The following ZYX variants were observed in gnomAD, a reference collection of about 807,000 sequenced individuals.
The protein encoded by ZYX is zyxin, also known as zyxin-2.
ZYX carries 37 observed loss-of-function variants against 58.1 expected under a neutral mutation model. The ratio of observed to expected loss-of-function variants is 0.64; its 90% CI spans 0.49 to 0.84. ZYX has a LOEUF of 0.84. Among genes scored for constraint, ZYX ranks in the 40% least tolerant of loss-of-function variants. ZYX has a pLI of 0.00. For missense variants in ZYX, 762 were observed against 761.6 expected (o/e 1.00, Z -0.01); for synonymous variants, 324 against 321.1 (o/e 1.01, Z -0.10).
At position 143,388,126 on chromosome 7, in the gene ZYX, T is replaced by TA. The variant is rs1804933558; in HGVS notation, c.1024-91dup. Reference sequence around the variant, plus strand: ...AGCATCTGGGACACGAGCTGGGAGCTAAGCCTCATCGGAAGAAGCCGGGTA... The same window carrying TA: ...AGCATCTGGGACACGAGCTGGGAGCTAAAGCCTCATCGGAAGAAGCCGGGTA... On this transcript the variant is annotated intron_variant, in intron 5 of 9. Coordinates refer to ENST00000322764, the MANE Select transcript of ZYX (RefSeq NM_003461.5). This position sits in a 1 kb window ranked among gnomAD's most constrained non-coding sequence, Gnocchi z 7.5. 6.9e-7 allele frequency: 1 copy of TA among 1,458,318 alleles called. No individual in the cohort carries two copies. The highest frequency in any genetic ancestry group is 1.4e-5 in the African/African-American group (1 of 70,406). 90.3% of individuals were successfully genotyped at this position (1,458,318 alleles called of 1,614,324 possible).
In ZYX at chr7:143,390,635, G is replaced by T; in HGVS notation, c.1672G>T (p.Gly558Cys). ...TGACAATGGCTGCTTCCCCCTGGAC[G>T]GTCACGTGCTCTGTCGGAAGTGCCA... Reference protein sequence around the residue: ...ADDNGCFPLDGHVLCRKCHTA... With the variant: ...ADDNGCFPLDCHVLCRKCHTA... Residue 558 changes from glycine to cysteine, a missense_variant, in exon 10 of 10, where the codon GGT (glycine) becomes TGT (cysteine). Gly to Cys is a radical substitution (Grantham distance 159, BLOSUM62 -3). Transcript: ENST00000322764. The surrounding 1 kb of genome is among the most constrained non-coding windows in gnomAD (Gnocchi z 4.3). The T allele has an allele frequency of 8.2e-6, 13 of 1,588,266 alleles. No homozygotes were observed. Among genetic ancestry groups the T allele is most frequent in the South Asian group, 1.2e-5 (1 of 86,774 alleles).
In ZYX at chr7:143,390,971, C is replaced by G. The variant is rs111335084; in HGVS notation, c.*289C>G. 1 of 427,976 alleles carries G rather than the reference C, an allele frequency of 2.3e-6. No homozygotes were observed. Among genetic ancestry groups the G allele is most frequent in the Non-Finnish European group, 4.3e-6 (1 of 233,486 alleles). The allele number at this position is 427,976 out of a possible 1,614,324, so 26.5% of individuals were successfully genotyped here. On this transcript the variant is annotated 3_prime_UTR_variant, in exon 10 of 10. Coordinates refer to ENST00000322764, the MANE Select transcript of ZYX (RefSeq NM_003461.5). The surrounding 1 kb of genome is among the most constrained non-coding windows in gnomAD (Gnocchi z 4.3). ...GTGCTGCTGCTTTCACTGCTGCACC[C>G]GCGCCCTCGGCCGGCCCCCCGAGCA... is the stretch of plus-strand genomic sequence containing the variant.
Position 143,387,615 on chromosome 7 carries a change from C to T in ZYX, c.1024-604C>T, listed in dbSNP as rs1051168524. On this transcript the variant is annotated intron_variant, in intron 5 of 9. Coordinates refer to ENST00000322764, the MANE Select transcript of ZYX (RefSeq NM_003461.5). This position sits in a 1 kb window ranked among gnomAD's most constrained non-coding sequence, Gnocchi z 5.8. ...GGTGGCCTTTGGACCTTCTCTGAGGCTGCTGGGGAGGGACCTGAGTGAGGT... is the reference window on the plus strand; with the variant it reads ...GGTGGCCTTTGGACCTTCTCTGAGGTTGCTGGGGAGGGACCTGAGTGAGGT... 1.3e-5 allele frequency: 6 copies of T among 447,048 alleles called. No homozygotes were observed. The highest frequency in any genetic ancestry group is 2.8e-5 in the Non-Finnish European group (6 of 214,162). The allele number at this position is 447,048 out of a possible 1,614,324, so 27.7% of individuals were successfully genotyped here.
rs534313847 is a variant in ZYX, at chr7:143,384,280, C to A, written c.1023+958C>A. On this transcript the variant is annotated intron_variant, in intron 5 of 9. Transcript: ENST00000322764. The surrounding 1 kb of genome is among the most constrained non-coding windows in gnomAD (Gnocchi z 4.9). ...AGGCACTCAGACCAGGGAGTCAACT[C>A]GGGGAGTCAAATTAGGAAAGGCTTC... 4.2e-6 allele frequency: 2 copies of A among 470,936 alleles called. No individual in the cohort carries two copies. Among genetic ancestry groups the A allele is most frequent in the East Asian group, 7.0e-5 (1 of 14,364 alleles). 29.2% of individuals were successfully genotyped at this position (470,936 alleles called of 1,614,324 possible). A position where few individuals can be genotyped will look rare whatever the true frequency, so the allele number is the denominator to read the frequency against.
At position 143,387,833 on chromosome 7, in the gene ZYX, C is replaced by G; in HGVS notation, c.1024-386C>G. On this transcript the variant is annotated intron_variant, in intron 5 of 9. Transcript: ENST00000322764. The surrounding 1 kb of genome is among the most constrained non-coding windows in gnomAD (Gnocchi z 5.8). The stretch of plus-strand genomic sequence containing the variant: ...GTGCACGCCATTGCGTGCCCCTGTC[C>G]CATGGGGGCGATGTCCGAGCATGCT... 1 of 480,956 alleles carries G rather than the reference C, an allele frequency of 2.1e-6. No homozygotes were observed. Among genetic ancestry groups the G allele is most frequent in the African/African-American group, 2.0e-5 (1 of 50,666 alleles). The allele number at this position is 480,956 out of a possible 1,614,324, so 29.8% of individuals were successfully genotyped here. A position where few individuals can be genotyped will look rare whatever the true frequency, so the allele number is the denominator to read the frequency against.
Position 143,384,823 on chromosome 7 carries a change from A to G in ZYX, c.1023+1501A>G, listed in dbSNP as rs1267654030. ...TTGCTGACAAAATAGAGAAGTCCAGAAGGGGAAATGGTTTGGACGGGAAGA... is the reference window on the plus strand; with the variant it reads ...TTGCTGACAAAATAGAGAAGTCCAGGAGGGGAAATGGTTTGGACGGGAAGA... On this transcript the variant is annotated intron_variant, in intron 5 of 9. Coordinates refer to ENST00000322764, the MANE Select transcript of ZYX (RefSeq NM_003461.5). The surrounding 1 kb of genome is among the most constrained non-coding windows in gnomAD (Gnocchi z 4.9). Among the ~76,000 whole-genome samples the G allele has an allele frequency of 6.6e-6, 1 of 152,122 alleles. No homozygotes were observed. Among genetic ancestry groups the G allele is most frequent in the Non-Finnish European group, 1.5e-5 (1 of 68,030 alleles).
Position 143,382,586 on chromosome 7 carries a change from C to A in ZYX, c.409-7C>A. Reference sequence around the variant, plus strand: ...TGGAATAGGTGCTCTGACCTCTGACCCTCTAGCCCAGGGAGAAGGTGAGCA... The same window carrying A: ...TGGAATAGGTGCTCTGACCTCTGACACTCTAGCCCAGGGAGAAGGTGAGCA... On this transcript the variant is annotated splice_region_variant and splice_polypyrimidine_tract_variant and intron_variant, in intron 3 of 9. Transcript: ENST00000322764. The A allele has an allele frequency of 6.2e-7, 1 of 1,613,924 alleles. No individual in the cohort carries two copies. The highest frequency in any genetic ancestry group is 8.5e-7 in the Non-Finnish European group (1 of 1,179,946).
chr7:143,386,371 A>G (rs1189580787), intron 5 of ZYX, among the ~76,000 whole-genome samples: 1 of 152,032 alleles, frequency 6.6e-6, no homozygotes, highest in East Asian at 1.9e-4. Flanking sequence ...CATGTCCTCA[A>G]CCATGTGGGA....
chr7:143,388,461 T>A lies in ZYX; in HGVS notation c.1145-28T>A. ...CGCAGCTCTACATACTTCCTTCTATTTACTGCTGTCTTCTCTGGCCTTCCC... is the reference window on the plus strand; with the variant it reads ...CGCAGCTCTACATACTTCCTTCTATATACTGCTGTCTTCTCTGGCCTTCCC... On this transcript the variant is annotated intron_variant, in intron 6 of 9. Transcript: ENST00000322764. The surrounding 1 kb of genome is among the most constrained non-coding windows in gnomAD (Gnocchi z 7.5). 6.2e-7 allele frequency: 1 copy of A among 1,607,916 alleles called. No homozygotes were observed. The highest frequency in any genetic ancestry group is 1.1e-5 in the South Asian group (1 of 90,780).
intron 2 of ZYX, 44 bp downstream of exon 2, chr7:143,381,823 G>T (rs1300511991): frequency 6.8e-7 from 1 of 1,474,078 alleles, no homozygotes; most frequent in East Asian, 2.5e-5. Context: ...AGGAGCCGGG[G>T]TGGGGGGCAG....
rs987506663 is a variant in ZYX at position 143,384,111 on chromosome 7, A to G, written c.1023+789A>G. On this transcript the variant is annotated intron_variant, in intron 5 of 9. Coordinates refer to ENST00000322764, the MANE Select transcript of ZYX (RefSeq NM_003461.5). The surrounding 1 kb of genome is among the most constrained non-coding windows in gnomAD (Gnocchi z 4.9). ...CTAGTTCAGGAAATAAGATCGTCCAATTTCTGGTGACGAAGATGACCCTGA... is the reference window on the plus strand; with the variant it reads ...CTAGTTCAGGAAATAAGATCGTCCAGTTTCTGGTGACGAAGATGACCCTGA... The G allele has an allele frequency of 2.2e-6, 1 of 450,596 alleles. No individual in the cohort carries two copies. The highest frequency in any genetic ancestry group is 1.6e-5 in the South Asian group (1 of 61,344). 27.9% of individuals were successfully genotyped at this position (450,596 alleles called of 1,614,324 possible). A position where few individuals can be genotyped will look rare whatever the true frequency, so the allele number is the denominator to read the frequency against.
intron 3 of ZYX, 50 bp downstream of exon 3, chr7:143,382,497 A>C: frequency 6.3e-7 from 1 of 1,585,926 alleles, no homozygotes; most frequent in Non-Finnish European, 8.6e-7. Flanking sequence ...CAAGGAGAGG[A>C]GAAGAGGGCC....
rs967560363 is a variant in ZYX at position 143,383,190 on chromosome 7, G to T, written c.891G>T (p.Gly297=). ...GGTCACAACCAAATCAAAAATTGGG[G>T]CACCCCGAAGCTCTTTCTGCTGGCA... ...GSGSQPNQKL[G]HPEALSAGTG... The change falls in exon 5 of 10, where the codon GGG becomes GGT. Residue 297 remains glycine (G), a synonymous_variant. Transcript: ENST00000322764. The T allele has an allele frequency of 1.2e-6, 2 of 1,614,050 alleles. No homozygotes were observed. Among genetic ancestry groups the T allele is most frequent in the Admixed American group, 1.7e-5 (1 of 60,006 alleles).
At position 143,382,376 on chromosome 7, in the gene ZYX, A is replaced by G; in HGVS notation, c.337A>G (p.Ile113Val). The change falls in exon 3 of 10, where the codon ATC becomes GTC. Residue 113 changes from isoleucine (I) to valine (V), a missense_variant. Coordinates refer to ENST00000322764, the MANE Select transcript of ZYX (RefSeq NM_003461.5). The stretch of plus-strand genomic sequence containing the variant: ...TCCCCCTGCGCCTCTGGAGGAGGAG[A>G]TCTTCCCTTCCCCGCCGCCTCCTCC... ...SFPPAPLEEE[I>V]FPSPPPPPEE... 3 of 1,583,994 alleles carry G rather than the reference A, an allele frequency of 1.9e-6. No individual in the cohort carries two copies. Among genetic ancestry groups the G allele is most frequent in the Non-Finnish European group, 2.6e-6 (3 of 1,164,888 alleles).
In ZYX at chr7:143,382,401, CGGA is replaced by C. The variant is rs769663341; in HGVS notation, c.371_373del (p.Glu124del). ...ATCTTCCCTTCCCCGCCGCCTCCTC[CGGA>C]GGAGGAGGGAGGGCCTGAGGCCCCC... On this transcript the variant is annotated inframe_deletion, in exon 3 of 10. Coordinates refer to ENST00000322764, the MANE Select transcript of ZYX (RefSeq NM_003461.5). The C allele has an allele frequency of 1.3e-6, 2 of 1,580,284 alleles. No homozygotes were observed. The highest frequency in any genetic ancestry group is 1.4e-5 in the African/African-American group (1 of 73,056).
rs372036113 is a variant in ZYX, at chr7:143,382,298, G to A, written c.259G>A (p.Gly87Ser). The A allele has an allele frequency of 1.1e-5, 18 of 1,612,568 alleles. No homozygotes were observed. The East Asian group carries it at 3.6e-4, about 32-fold the overall frequency. The stretch of plus-strand genomic sequence containing the variant: ...TGCTGGGGATGGCGACGATGCAGAG[G>A]GTGCTCTGGGAGGTGCCTTCCCGCC... ...PLAGDGDDAE[G>S]ALGGAFPPPP... is the part of the protein sequence containing the mutation. Residue 87 changes from glycine (G) to serine (S), a missense_variant, in exon 3 of 10, where the codon GGT (glycine) becomes AGT (serine). By Grantham distance (56) the Gly-to-Ser change is moderately conservative (BLOSUM62 0). Coordinates refer to ENST00000322764, the MANE Select transcript of ZYX (RefSeq NM_003461.5).
intron 5 of ZYX, among the ~76,000 whole-genome samples, chr7:143,386,003 AGT>A (rs956886106): frequency 1.0e-4 from 15 of 145,200 alleles, no homozygotes; most frequent in Non-Finnish European, 1.7e-4. Context: ...TATATGTGTG[AGT>A]GTGTGTGTGT....
chr7:143,381,412 G>C lies in ZYX; in HGVS notation c.-16+3G>C. 6 of 1,230,346 alleles carry C rather than the reference G, an allele frequency of 4.9e-6. No homozygotes were observed. The highest frequency in any genetic ancestry group is 6.1e-6 in the Non-Finnish European group (6 of 985,076). 76.2% of individuals were successfully genotyped at this position (1,230,346 alleles called of 1,614,324 possible). ...CGGCGCGCACGCTCCGGCCTGCGGT[G>C]AGGCGCGGGGAGCGGCAGGGCGGCC... is the stretch of plus-strand genomic sequence containing the variant. On this transcript the variant is annotated splice_donor_region_variant and intron_variant, in intron 1 of 9. Transcript: ENST00000322764.
rs1266201157 is a variant in ZYX, at chr7:143,387,447, C to T, written c.1024-772C>T. Among the ~76,000 whole-genome samples the T allele has an allele frequency of 1.3e-5, 2 of 152,150 alleles. No homozygotes were observed. The highest frequency in any genetic ancestry group is 4.8e-5 in the African/African-American group (2 of 41,436). ...CACTTGCTCCTGTGGGCGTGTCTCC[C>T]GGCAGTGCTGATGCAGGTCAGACAG... On this transcript the variant is annotated intron_variant, in intron 5 of 9. Transcript: ENST00000322764. The surrounding 1 kb of genome is among the most constrained non-coding windows in gnomAD (Gnocchi z 5.8).
Sources: gnomAD v4.1 joint callset for allele counts (sites outside exome capture counted in the v4.1 genomes callset) on GRCh38, gnomAD v4.1.1 for gene constraint, Gnocchi (gnomAD v3.1) non-coding constraint, MANE v1.5 for transcripts, NCBI Gene and HGNC (gene_info 2026-07-23, HGNC 2026-07-21) for gene names.